CIMIP6: variants seen among roughly 807,000 people sequenced by gnomAD.
The protein encoded by CIMIP6 is uncharacterized protein C2orf73.
the CIMIP6 span, among the ~76,000 whole-genome samples, chr2:54,362,992 A>G: frequency 6.6e-6 from 1 of 152,192 alleles, no homozygotes; most frequent in African/African-American, 2.4e-5. Flanking sequence ...AACTTAGTAT[A>G]TATTTAATAT....
the CIMIP6 span, among the ~76,000 whole-genome samples, chr2:54,336,663 CAAGT>C: frequency 6.6e-6 from 1 of 152,128 alleles, no homozygotes; most frequent in Admixed American, 6.5e-5. Flanking sequence ...ATAGATCAAA[CAAGT>C]AAGCTGTATT....
chr2:54,351,255 C>T, the CIMIP6 span, among the ~76,000 whole-genome samples: 1 of 152,160 alleles, frequency 6.6e-6, no homozygotes, highest in African/African-American at 2.4e-5. Context: ...TTTTCCAGAA[C>T]TACCATTCAA....
the CIMIP6 span, among the ~76,000 whole-genome samples, chr2:54,362,972 C>T: frequency 5.9e-5 from 9 of 152,150 alleles, no homozygotes; most frequent in African/African-American, 2.2e-4. Flanking sequence ...TAATATTTGA[C>T]CATCTATTAA....
chr2:54,332,526 C>G, the CIMIP6 span, among the ~76,000 whole-genome samples: 1 of 152,200 alleles, frequency 6.6e-6, no homozygotes, highest in African/African-American at 2.4e-5. Context: ...GAGACAAAGG[C>G]TCAGATATGG....
the CIMIP6 span, among the ~76,000 whole-genome samples, chr2:54,363,662 GATC>G: frequency 9.7e-3 from 1,463 of 151,160 alleles, 27 homozygotes; most frequent in African/African-American, 0.034. Flanking sequence ...TTTTTTTTCT[GATC>G]ATAAGTTTCC....
chr2:54,344,444 G>T, the CIMIP6 span, among the ~76,000 whole-genome samples: 1 of 152,228 alleles, frequency 6.6e-6, no homozygotes, highest in African/African-American at 2.4e-5. Context: ...AGAGAATAAA[G>T]AAGCAATTTC....
At chr2:54,352,223 T>C in the CIMIP6 span, among the ~76,000 whole-genome samples, 51 of 152,316 alleles carry the variant, frequency 3.3e-4, no homozygotes, top group African/African-American at 1.2e-3. Flanking sequence ...TTAAAAAGGT[T>C]TACCAACCAT....
the CIMIP6 span, among the ~76,000 whole-genome samples, chr2:54,356,777 A>T: frequency 6.6e-6 from 1 of 152,206 alleles, no homozygotes; most frequent in African/African-American, 2.4e-5. Context: ...TCAAAGTCAC[A>T]CAACTAGGAA....
At chr2:54,338,643 A>C in the CIMIP6 span, among the ~76,000 whole-genome samples, 2 of 75,042 alleles carry the variant, frequency 2.7e-5, 1 homozygote, top group Admixed American at 2.6e-4. Context: ...AGAGTAAAGA[A>C]AATAAACTTG....
At chr2:54,381,005 C>T in the CIMIP6 span, among the ~76,000 whole-genome samples, 1 of 152,146 alleles carries the variant, frequency 6.6e-6, no homozygotes, top group Admixed American at 6.6e-5. Context: ...GGCTGAATGA[C>T]TGTATTCCTA....
chr2:54,378,552 C>T, the CIMIP6 span, among the ~76,000 whole-genome samples: 2 of 152,000 alleles, frequency 1.3e-5, no homozygotes, highest in Non-Finnish European at 1.5e-5. Flanking sequence ...GTGAAATTAC[C>T]AAAATATTGT....
At chr2:54,336,959 C>G in the CIMIP6 span, among the ~76,000 whole-genome samples, 3 of 152,186 alleles carry the variant, frequency 2.0e-5, no homozygotes, top group Non-Finnish European at 4.4e-5. Context: ...GAGCAGGATT[C>G]TATGAGAGAA....
At chr2:54,335,624 A>G in the CIMIP6 span, among the ~76,000 whole-genome samples, 1 of 152,120 alleles carries the variant, frequency 6.6e-6, no homozygotes, top group Non-Finnish European at 1.5e-5. Context: ...AAAATATTCC[A>G]TTATCTTTTT....
At chr2:54,381,994 TA>T in the CIMIP6 span, 3 of 1,531,758 alleles carry the variant, frequency 2.0e-6, no homozygotes, top group South Asian at 3.7e-5. Context: ...CAGTAAGTAT[TA>T]GCAGTTTCAT....
At chr2:54,343,942 T>C in the CIMIP6 span, 1 of 1,339,108 alleles carries the variant, frequency 7.5e-7, no homozygotes, top group Non-Finnish European at 9.9e-7. Flanking sequence ...TAAGATGTAT[T>C]AGATGTCCGG....
At chr2:54,363,400 C>T in the CIMIP6 span, among the ~76,000 whole-genome samples, 3 of 152,136 alleles carry the variant, frequency 2.0e-5, no homozygotes, top group African/African-American at 7.2e-5. Context: ...GCCACAGTTA[C>T]CCTGGCTTAA....
the CIMIP6 span, among the ~76,000 whole-genome samples, chr2:54,377,584 T>C: frequency 8.7e-4 from 132 of 152,294 alleles, 1 homozygote; most frequent in African/African-American, 2.8e-3. Context: ...ACCCCTGAGA[T>C]TGCTACACTG....
chr2:54,333,891 A>C, the CIMIP6 span, among the ~76,000 whole-genome samples: 38 of 152,228 alleles, frequency 2.5e-4, no homozygotes, highest in Non-Finnish European at 5.1e-4. Context: ...ACTCCGTCTC[A>C]AAAAGGAAAA....
At chr2:54,360,561 A>T in the CIMIP6 span, 1 of 1,481,630 alleles carries the variant, frequency 6.7e-7, no homozygotes, top group Non-Finnish European at 9.0e-7. Flanking sequence ...AAATCAGAAT[A>T]AATTACCTTC....
Sources: allele counts gnomAD v4.1 joint callset (sites outside exome capture counted in the v4.1 genomes callset), GRCh38; gene constraint gnomAD v4.1.1; transcripts MANE v1.5; gene names NCBI Gene and HGNC (gene_info 2026-07-23, HGNC 2026-07-21).